FOXP2: variants seen among roughly 807,000 people sequenced by gnomAD.
FOXP2 encodes forkhead box protein P2.
In FOXP2, 12 loss-of-function variants were observed where a neutral mutation model predicts 115.8. The observed-to-expected ratio is 0.10, with a 90% CI of 0.07 to 0.17. The LOEUF is 0.17. Ranked by LOEUF, FOXP2 falls within the 10% of genes least tolerant of loss-of-function variation. FOXP2 has a pLI of 1.00. For missense variants in FOXP2, 629 were observed against 843.5 expected (o/e 0.75, Z 3.15); for synonymous variants, 328 against 297.7 (o/e 1.10, Z -1.05).
At chr7:114,187,103 A>T (rs149612891) in intron 1 of FOXP2, among the ~76,000 whole-genome samples, 18 of 152,234 alleles carry the variant, frequency 1.2e-4, no homozygotes, top group Non-Finnish European at 2.2e-4. Context: ...ATCCATACTC[A>T]TCTCCTTATC....
At chr7:114,387,297 T>A (rs1792476779) in intron 2 of FOXP2, among the ~76,000 whole-genome samples, 1 of 152,156 alleles carries the variant, frequency 6.6e-6, no homozygotes, top group African/African-American at 2.4e-5. Context: ...CTCATTGGAG[T>A]ATTAAATATT....
chr7:114,492,538 T>C (rs1480205171), intron 2 of FOXP2, among the ~76,000 whole-genome samples: 2 of 152,196 alleles, frequency 1.3e-5, no homozygotes, highest in Admixed American at 6.6e-5. Flanking sequence ...TGCTTTCTCT[T>C]GTGGGCATTT....
intron 2 of FOXP2, among the ~76,000 whole-genome samples, chr7:114,495,943 A>AT (rs1311780933): frequency 2.0e-5 from 3 of 151,916 alleles, no homozygotes; most frequent in East Asian, 1.9e-4. Context: ...TTGCCAAAAC[A>AT]TTTTTTTTCT....
intron 2 of FOXP2, among the ~76,000 whole-genome samples, chr7:114,516,710 T>G (rs564297440): frequency 3.2e-4 from 48 of 152,134 alleles, no homozygotes; most frequent in South Asian, 2.5e-3. Context: ...TTTGTTTTTT[T>G]TTTGAGACAG....
rs549976139 is a variant in FOXP2, at chr7:114,612,777, T to C, written c.259-15763T>C. Reference sequence around the variant, plus strand: ...TTTTGATATCTGTAGATGGGAAATATCTCATTCATGGATATAAATTATTAT... The same window carrying C: ...TTTTGATATCTGTAGATGGGAAATACCTCATTCATGGATATAAATTATTAT... On this transcript the variant is annotated intron_variant, in intron 3 of 16. Transcript: ENST00000350908. 5.8e-3 allele frequency among the ~76,000 whole-genome samples: 876 copies of C among 152,322 alleles called. 10 individuals carry two copies. Among genetic ancestry groups the C allele is most frequent in the South Asian group, 0.03 (144 of 4,816 alleles).
intron 2 of FOXP2, among the ~76,000 whole-genome samples, chr7:114,430,783 A>G (rs991748581): frequency 2.6e-5 from 4 of 151,884 alleles, no homozygotes; most frequent in African/African-American, 9.7e-5. Flanking sequence ...CTCTGATGCC[A>G]ATATTTAATT....
chr7:114,302,230 T>A (rs1020034593), intron 2 of FOXP2, among the ~76,000 whole-genome samples: 1 of 152,174 alleles, frequency 6.6e-6, no homozygotes, highest in African/African-American at 2.4e-5. Context: ...TGGTAGAGCA[T>A]GCACTCACAC....
intron 1 of FOXP2, among the ~76,000 whole-genome samples, chr7:114,220,886 C>T (rs900231338): frequency 5.3e-5 from 8 of 152,014 alleles, no homozygotes; most frequent in African/African-American, 1.9e-4. Context: ...AAAACTCTCT[C>T]GAAGTCTTTC....
intron 2 of FOXP2, among the ~76,000 whole-genome samples, chr7:114,331,165 CAAAT>C (rs1441007185): frequency 6.6e-5 from 10 of 152,150 alleles, no homozygotes; most frequent in African/African-American, 2.4e-4. Context: ...ATAAATAAGA[CAAAT>C]AAATCTAAAG....
intron 2 of FOXP2, among the ~76,000 whole-genome samples, chr7:114,534,306 T>TA (rs66823671): frequency 0.46 from 69,091 of 151,646 alleles, 15,928 homozygotes; most frequent in Admixed American, 0.52. Context: ...GCATTTTAGT[T>TA]AACACTCAAA....
intron 2 of FOXP2, among the ~76,000 whole-genome samples, chr7:114,324,975 G>A (rs1797522110): frequency 6.6e-6 from 1 of 151,736 alleles, no homozygotes; most frequent in African/African-American, 2.4e-5. Context: ...TTTTGATACA[G>A]GCATGCAAAG....
Position 114,686,190 on chromosome 7 carries a change from T to G in FOXP2, c.2004-3592T>G, listed in dbSNP as rs1401057715. On this transcript the variant is annotated intron_variant, in intron 16 of 16. Transcript: ENST00000350908. The stretch of plus-strand genomic sequence containing the variant: ...ATTATAATACTTCTTTTTTTTTTTT[T>G]GAGATGGAGTCTCACTCTGTCACCC... 2.0e-5 allele frequency among the ~76,000 whole-genome samples: 3 copies of G among 151,958 alleles called. No homozygotes were observed. In the East Asian group the frequency reaches 5.8e-4, roughly 29 times the overall value.
chr7:114,376,460 G>C (rs1330623189), intron 2 of FOXP2, among the ~76,000 whole-genome samples: 1 of 152,208 alleles, frequency 6.6e-6, no homozygotes, highest in Non-Finnish European at 1.5e-5. Flanking sequence ...ACAGTGTCTG[G>C]GGAATAATTG....
chr7:114,405,596 G>A (rs75755264), intron 2 of FOXP2, among the ~76,000 whole-genome samples: 3,157 of 151,906 alleles, frequency 0.021, 74 homozygotes, highest in African/African-American at 0.059. Context: ...ATTGTGTAAC[G>A]TTAACATTGG....
At chr7:114,247,301 A>C (rs1795310445) in intron 1 of FOXP2, among the ~76,000 whole-genome samples, 4 of 152,202 alleles carry the variant, frequency 2.6e-5, no homozygotes, top group Non-Finnish European at 5.9e-5. Context: ...TGAGTATCTC[A>C]TTATCTGCCT....
At position 114,692,782 on chromosome 7, in the gene FOXP2, T is replaced by C. The variant is rs964415803; in HGVS notation, c.*2856T>C. On this transcript the variant is annotated 3_prime_UTR_variant, in exon 17 of 17. Coordinates refer to ENST00000350908, the MANE Select transcript of FOXP2 (RefSeq NM_014491.4). ...TTTGTATACAGCAAATTTTAAACTGTAGCACAAACATCTGTTTATGTATTG... is the reference window on the plus strand; with the variant it reads ...TTTGTATACAGCAAATTTTAAACTGCAGCACAAACATCTGTTTATGTATTG... The C allele has an allele frequency of 2.3e-6, 1 of 442,732 alleles. No individual in the cohort carries two copies. The highest frequency in any genetic ancestry group is 2.0e-5 in the African/African-American group (1 of 49,382). The allele number at this position is 442,732 out of a possible 1,614,324, so 27.4% of individuals were successfully genotyped here.
chr7:114,684,973 G>A (rs1808284662), intron 16 of FOXP2, among the ~76,000 whole-genome samples: 2 of 151,302 alleles, frequency 1.3e-5, no homozygotes, highest in African/African-American at 4.9e-5. Flanking sequence ...CAAAGTAGTT[G>A]TTGAGTTCAG....
chr7:114,561,066 A>G (rs985258701), intron 3 of FOXP2: 2 of 152,226 alleles, frequency 1.3e-5, no homozygotes, highest in African/African-American at 4.8e-5. Flanking sequence ...ACATACCTCA[A>G]AAATCAAGTT....
intron 2 of FOXP2, among the ~76,000 whole-genome samples, chr7:114,385,605 C>G (rs1361952114): frequency 6.6e-6 from 1 of 152,126 alleles, no homozygotes; most frequent in African/African-American, 2.4e-5. Context: ...AAGCCCTTCC[C>G]CAGATAGCCT....
Sources: gnomAD v4.1 joint callset for allele counts (sites outside exome capture counted in the v4.1 genomes callset) on GRCh38, gnomAD v4.1.1 for gene constraint, MANE v1.5 for transcripts, NCBI Gene and HGNC (gene_info 2026-07-23, HGNC 2026-07-21) for gene names.